Variants in UNKL observed in about 807,000 individuals in gnomAD.
The protein encoded by UNKL is unk like zinc finger.
In UNKL, 60 loss-of-function variants were observed where a neutral mutation model predicts 78.0. The observed-to-expected ratio is 0.77, with a 90% CI of 0.63 to 0.95. The LOEUF (loss-of-function observed/expected upper bound fraction) is 0.95. Ranked by LOEUF, UNKL falls within the 40% of genes least tolerant of loss-of-function variation. UNKL has a pLI of 0.00. For synonymous variants in UNKL, 608 were observed against 474.8 expected, an observed-to-expected ratio of 1.28 and a Z score of -3.65; for missense variants, 1,159 against 1,045.7, an observed-to-expected ratio of 1.11 and a Z score of -1.49.
In UNKL at chr16:1,365,442, G is replaced by A. The variant is rs549749497; in HGVS notation, c.*798C>T. 6.6e-6 allele frequency: 1 copy of A among 152,530 alleles called. No individual in the cohort carries two copies. The highest frequency in any genetic ancestry group is 6.5e-5 in the Admixed American group (1 of 15,308). 9.4% of individuals were successfully genotyped at this position (152,530 alleles called of 1,614,324 possible). A position where few individuals can be genotyped will look rare whatever the true frequency, so the allele number is the denominator to read the frequency against. ...TTGCTCTCCGAGGCGCAGGCGCACA[G>A]AAACAGCGGCCACGGACCACAGAAA... On this transcript the variant is annotated 3_prime_UTR_variant, in exon 15 of 15. Transcript: ENST00000389221.
chr16:1,398,625 G>A, intron 5 of UNKL: 1 of 1,431,972 alleles, frequency 7.0e-7, no homozygotes, highest in Non-Finnish European at 9.1e-7. Context: ...ACACAGACAG[G>A]GCCTCAGGGA....
At chr16:1,393,582 C>T (rs918851528) in intron 7 of UNKL, among the ~76,000 whole-genome samples, 4 of 152,222 alleles carry the variant, frequency 2.6e-5, no homozygotes, top group Non-Finnish European at 5.9e-5. Flanking sequence ...ACCACATAAT[C>T]GCCAAAGCTA....
intron 9 of UNKL, among the ~76,000 whole-genome samples, chr16:1,389,384 G>A (rs550355105): frequency 6.6e-6 from 1 of 152,236 alleles, no homozygotes; most frequent in South Asian, 2.1e-4. Context: ...CTAGGAGTTC[G>A]AGAACAGGCT....
intron 2 of UNKL, among the ~76,000 whole-genome samples, chr16:1,404,061 G>A (rs2037644831): frequency 6.6e-6 from 1 of 152,178 alleles, no homozygotes; most frequent in African/African-American, 2.4e-5. Flanking sequence ...ACGGAGACAA[G>A]GAGACGACAC....
intron 6 of UNKL, among the ~76,000 whole-genome samples, chr16:1,394,737 C>G (rs914939607): frequency 6.6e-6 from 1 of 152,160 alleles, no homozygotes; most frequent in African/African-American, 2.4e-5. Context: ...GTAAAGGACA[C>G]GGCACCTGGC....
intron 4 of UNKL, 45 bp downstream of exon 4, chr16:1,401,523 G>GGGGGGCCCCCCCC: frequency 1.4e-6 from 2 of 1,470,322 alleles, no homozygotes; most frequent in Non-Finnish European, 1.8e-6. Context: ...CTCGCGCTGT[G>GGGGGGCCCCCCCC]CCCGCCCCCC....
intron 2 of UNKL, chr16:1,406,214 G>T: frequency 3.7e-6 from 1 of 269,792 alleles, no homozygotes; most frequent in Non-Finnish European, 6.8e-6. Flanking sequence ...GGGCTATATT[G>T]CTAATTTTTT....
At position 1,364,275 on chromosome 16, in the gene UNKL, T is replaced by A. The variant is rs1365514172; in HGVS notation, c.*1965A>T. On this transcript the variant is annotated 3_prime_UTR_variant, in exon 15 of 15. Coordinates refer to ENST00000389221, the MANE Select transcript of UNKL (RefSeq NM_001372107.1). Reference sequence around the variant, plus strand: ...CACTTCCTTTAAAACAACAGAATGTTGCTATCAGTTTGTCTTACGTTAAAA... The same window carrying A: ...CACTTCCTTTAAAACAACAGAATGTAGCTATCAGTTTGTCTTACGTTAAAA... The A allele has an allele frequency of 2.6e-5, 4 of 152,258 alleles. No homozygotes were observed. Among genetic ancestry groups the A allele is most frequent in the Non-Finnish European group, 5.9e-5 (4 of 68,048 alleles). 9.4% of individuals were successfully genotyped at this position (152,258 alleles called of 1,614,324 possible). A position where few individuals can be genotyped will look rare whatever the true frequency, so the allele number is the denominator to read the frequency against.
In UNKL at chr16:1,397,248, G is replaced by T; in HGVS notation, c.782C>A (p.Pro261His). The change falls in exon 6 of 15, where the codon CCC becomes CAC. Residue 261 changes from proline (P) to histidine (H), a missense_variant. Transcript: ENST00000389221. ...SVKHGDEWGE[P>H]SRCDGGDGCQ... ...GCCGTCGCCGCCATCGCAGCGTGAG[G>T]GTTCCCCCCACTCATCCCCGTGCTT... The T allele has an allele frequency of 6.5e-7, 1 of 1,542,654 alleles. No individual in the cohort carries two copies.
At position 1,385,313 on chromosome 16, in the gene UNKL, C is replaced by G; in HGVS notation, c.1159G>C (p.Ala387Pro). 1 of 1,407,190 alleles carries G rather than the reference C, an allele frequency of 7.1e-7. No individual in the cohort carries two copies. The highest frequency in any genetic ancestry group is 9.2e-7 in the Non-Finnish European group (1 of 1,085,436). The allele number at this position is 1,407,190 out of a possible 1,614,324, so 87.2% of individuals were successfully genotyped here. A position where few individuals can be genotyped will look rare whatever the true frequency, so the allele number is the denominator to read the frequency against. ...GAGCTGCCGGAGCCGGCGCTGGACG[C>G]CAGGCTGGACGCCACGCTGGAGCTC... ...SVSSSVASSL[A>P]SSAGSGSSSP... is the part of the protein sequence containing the mutation. Residue 387 changes from alanine (A) to proline (P), a missense_variant, in exon 10 of 15, where the codon GCG becomes CCG. Physicochemically the swap from Ala to Pro is conservative, Grantham distance 27. Coordinates refer to ENST00000389221, the MANE Select transcript of UNKL (RefSeq NM_001372107.1).
chr16:1,390,522 G>A, intron 9 of UNKL, 110 bp downstream of exon 9: 3 of 1,173,362 alleles, frequency 2.6e-6, no homozygotes, highest in Non-Finnish European at 3.5e-6. Flanking sequence ...CGGGACCAAG[G>A]ATGCATGAGC....
chr16:1,372,476 C>T (rs1162301153), intron 10 of UNKL, among the ~76,000 whole-genome samples: 1 of 152,084 alleles, frequency 6.6e-6, no homozygotes, highest in Non-Finnish European at 1.5e-5. Flanking sequence ...GGGCTGCCCT[C>T]CTGCACGGGC....
At chr16:1,382,718 G>A (rs1393470346) in intron 10 of UNKL, among the ~76,000 whole-genome samples, 1 of 152,202 alleles carries the variant, frequency 6.6e-6, no homozygotes, top group Admixed American at 6.5e-5. Context: ...AGCACTTTGG[G>A]AGGCCGAGTT....
intron 13 of UNKL, 120 bp downstream of exon 13, chr16:1,367,536 C>CGCTCACCTGAGTCACCT (rs2035396645): frequency 5.3e-6 from 5 of 943,272 alleles, no homozygotes; most frequent in South Asian, 5.2e-5. Flanking sequence ...ACCCCCCACA[C>CGCTCACCTGAGTCACCT]GCTCACCTGA....
rs2036772102 is a variant in UNKL, at chr16:1,385,384, TTC to T, written c.1087-1_1087del. 7.2e-7 allele frequency: 1 copy of T among 1,383,650 alleles called. No homozygotes were observed. The highest frequency in any genetic ancestry group is 3.4e-5 in the Admixed American group (1 of 29,242). The allele number at this position is 1,383,650 out of a possible 1,614,324, so 85.7% of individuals were successfully genotyped here. Reference sequence around the variant, plus strand: ...GACCGCTGCAAACACGGCCAGGTGGTTCTGTTCAAAGACATAAACACCGTGAG... The same window carrying T: ...GACCGCTGCAAACACGGCCAGGTGGTTGTTCAAAGACATAAACACCGTGAG... On this transcript the variant is annotated splice_acceptor_variant and coding_sequence_variant, in exon 10 of 15. Transcript: ENST00000389221. LOFTEE classifies it high-confidence loss of function.
intron 2 of UNKL, among the ~76,000 whole-genome samples, chr16:1,413,120 C>T (rs1183161215): frequency 1.3e-5 from 2 of 151,992 alleles, no homozygotes; most frequent in Non-Finnish European, 2.9e-5. Flanking sequence ...TGGCATGAGC[C>T]TGTAGTCCCA....
chr16:1,366,093 T>C lies in UNKL; in HGVS notation c.*147A>G. 1.0e-6 allele frequency: 1 copy of C among 982,350 alleles called. No individual in the cohort carries two copies. The highest frequency in any genetic ancestry group is 1.4e-6 in the Non-Finnish European group (1 of 720,148). The allele number at this position is 982,350 out of a possible 1,614,324, so 60.9% of individuals were successfully genotyped here. The stretch of plus-strand genomic sequence containing the variant: ...CTGTCAGGCCAAGCGCAGGCGGGGC[T>C]CCCAGCCTCATGATAACGTGTAACA... On this transcript the variant is annotated 3_prime_UTR_variant, in exon 15 of 15. Coordinates refer to ENST00000389221, the MANE Select transcript of UNKL (RefSeq NM_001372107.1).
chr16:1,384,363 C>T (rs112731535), intron 10 of UNKL, among the ~76,000 whole-genome samples: 1 of 152,080 alleles, frequency 6.6e-6, no homozygotes, highest in African/African-American at 2.4e-5. Context: ...CTGCTGCCCA[C>T]TCCGGGCTTC....
At chr16:1,379,756 G>T (rs956538699) in intron 10 of UNKL, 29 of 815,378 alleles carry the variant, frequency 3.6e-5, no homozygotes, top group Admixed American at 2.6e-4. Flanking sequence ...CCGTCGCACT[G>T]GCCACGCCCC....
Sources: allele counts gnomAD v4.1 joint callset (sites outside exome capture counted in the v4.1 genomes callset), GRCh38; gene constraint gnomAD v4.1.1; transcripts MANE v1.5; gene names NCBI Gene and HGNC (gene_info 2026-07-23, HGNC 2026-07-21).